ANO10: variants seen among roughly 807,000 people sequenced by gnomAD.
ANO10 encodes anoctamin-10.
A neutral mutation model predicts 74.7 loss-of-function variants in ANO10; 77 were observed. That is an observed-to-expected ratio of 1.03 (90% confidence interval 0.86 to 1.25). The LOEUF is 1.25. ANO10 is among the 50% of genes most tolerant of loss of function. The pLI is 0.00. For synonymous variants in ANO10, 279 were observed against 284.9 expected (o/e 0.98, Z 0.21); for missense variants, 721 against 778.1 (o/e 0.93, Z 0.87).
intron 1 of ANO10, among the ~76,000 whole-genome samples, chr3:43,610,494 C>T (rs1056836866): frequency 6.6e-6 from 1 of 152,136 alleles, no homozygotes; most frequent in African/African-American, 2.4e-5. Flanking sequence ...TACTTTTATG[C>T]AACTGGCAGC....
At chr3:43,515,652 CAAG>C (rs1483204434) in intron 11 of ANO10, among the ~76,000 whole-genome samples, 3 of 152,128 alleles carry the variant, frequency 2.0e-5, no homozygotes, top group African/African-American at 7.2e-5. Flanking sequence ...TTACCAATAT[CAAG>C]AATAGGAAAG....
chr3:43,671,998 CAG>C (rs935370614), intron 1 of ANO10, among the ~76,000 whole-genome samples: 56 of 152,248 alleles, frequency 3.7e-4, no homozygotes, highest in African/African-American at 1.3e-3. Context: ...AATAAAAATT[CAG>C]AGGAGGGTTT....
intron 1 of ANO10, among the ~76,000 whole-genome samples, chr3:43,628,492 C>A (rs2083513756): frequency 6.6e-6 from 1 of 152,044 alleles, no homozygotes; most frequent in Non-Finnish European, 1.5e-5. Flanking sequence ...TGTGTTTAAA[C>A]AATATGAAAT....
chr3:43,530,197 T>G (rs1336637989), intron 11 of ANO10, among the ~76,000 whole-genome samples: 1 of 151,972 alleles, frequency 6.6e-6, no homozygotes, highest in Non-Finnish European at 1.5e-5. Context: ...AAAATGAAAA[T>G]GTAGCAGTTA....
chr3:43,527,757 C>T (rs1373066422), intron 11 of ANO10, among the ~76,000 whole-genome samples: 2 of 151,998 alleles, frequency 1.3e-5, no homozygotes, highest in African/African-American at 4.8e-5. Context: ...AGAGATCTAG[C>T]GATATTGGAA....
chr3:43,610,250 G>C (rs1020105060), intron 1 of ANO10, among the ~76,000 whole-genome samples: 9 of 152,118 alleles, frequency 5.9e-5, no homozygotes, highest in African/African-American at 2.2e-4. Flanking sequence ...TCACAGAAAG[G>C]TCTTCAGAGG....
intron 11 of ANO10, among the ~76,000 whole-genome samples, chr3:43,458,838 G>A (rs1049219231): frequency 6.6e-6 from 1 of 152,146 alleles, no homozygotes; most frequent in Non-Finnish European, 1.5e-5. Context: ...GCCCGGGTGT[G>A]TGATATTCCC....
At chr3:43,391,475 C>G (rs2092273577) in intron 12 of ANO10, among the ~76,000 whole-genome samples, 1 of 152,150 alleles carries the variant, frequency 6.6e-6, no homozygotes, top group Admixed American at 6.6e-5. Flanking sequence ...TAGTAGGCAG[C>G]CTCTAAATGG....
chr3:43,630,205 G>T (rs2083532139), intron 1 of ANO10, among the ~76,000 whole-genome samples: 2 of 152,112 alleles, frequency 1.3e-5, no homozygotes, highest in African/African-American at 2.4e-5. Flanking sequence ...GCACTAGGAT[G>T]AACATATTTG....
rs753848338 is a variant in ANO10, at chr3:43,432,636, T to A, written c.1889A>T (p.Glu630Val). The change falls in exon 12 of 13, where the codon GAG becomes GTG. Residue 630 changes from glutamate (E) to valine (V), a missense_variant. Glu to Val is a moderately radical substitution (Grantham distance 121). Transcript: ENST00000292246. ...CTGCTGCTTGAGTGCCTCCAAAGAC[T>A]CAAATTCCAGTCTGGCTAGTTTCAT... ...IQMKLARLEFESLEALKQQQM... is the reference protein window; with the variant it reads ...IQMKLARLEFVSLEALKQQQM... The A allele has an allele frequency of 1.2e-6, 2 of 1,613,692 alleles. No individual in the cohort carries two copies. Among genetic ancestry groups the A allele is most frequent in the South Asian group, 2.2e-5 (2 of 91,072 alleles).
rs1259323409 is a variant in ANO10 at position 43,549,787 on chromosome 3, G to A, written c.1730C>T (p.Ser577Leu). 6.2e-7 allele frequency: 1 copy of A among 1,613,998 alleles called. No homozygotes were observed. The highest frequency in any genetic ancestry group is 1.1e-5 in the South Asian group (1 of 91,068). ...TGGAAAGACTGCATTCACTTGTGGT[G>A]ACATTCCAATCAGCGCACAGTTAGT... is the stretch of plus-strand genomic sequence containing the variant. ...VVTNCALIGM[S>L]PQVNAVFPES... Residue 577 changes from serine to leucine, a missense_variant, in exon 11 of 13, where the codon TCA becomes TTA. Physicochemically the swap from Ser to Leu is moderately radical, Grantham distance 145. Coordinates refer to ENST00000292246, the MANE Select transcript of ANO10 (RefSeq NM_018075.5).
At chr3:43,547,114 A>G (rs1206929591) in intron 11 of ANO10, among the ~76,000 whole-genome samples, 1 of 152,206 alleles carries the variant, frequency 6.6e-6, no homozygotes, top group Non-Finnish European at 1.5e-5. Flanking sequence ...TTCTGAGACC[A>G]TTGAGACTAG....
At chr3:43,667,952 C>A (rs900851612) in intron 1 of ANO10, among the ~76,000 whole-genome samples, 25 of 152,074 alleles carry the variant, frequency 1.6e-4, no homozygotes, top group Non-Finnish European at 2.4e-4. Flanking sequence ...TGGGTAGATA[C>A]CCAGTAGTGG....
At chr3:43,509,639 A>C (rs2077437062) in intron 11 of ANO10, among the ~76,000 whole-genome samples, 1 of 152,226 alleles carries the variant, frequency 6.6e-6, no homozygotes, top group African/African-American at 2.4e-5. Context: ...ACAGTTTGGC[A>C]GTTTCTTATA....
chr3:43,507,612 T>C (rs1241661867), intron 11 of ANO10, among the ~76,000 whole-genome samples: 20 of 152,018 alleles, frequency 1.3e-4, no homozygotes, highest in Non-Finnish European at 7.4e-5. Context: ...TGATGGTGGC[T>C]GGACTGCAGG....
intron 1 of ANO10, among the ~76,000 whole-genome samples, chr3:43,663,219 G>C (rs2083947231): frequency 6.6e-6 from 1 of 152,156 alleles, no homozygotes; most frequent in Non-Finnish European, 1.5e-5. Context: ...TCATCCCTGG[G>C]ATGCAAGACT....
intron 11 of ANO10, among the ~76,000 whole-genome samples, chr3:43,515,629 G>A (rs922565734): frequency 2.6e-5 from 4 of 152,156 alleles, no homozygotes; most frequent in Non-Finnish European, 5.9e-5. Flanking sequence ...TGAGTAAGAA[G>A]AAAAGATACA....
upstream of ANO10, among the ~76,000 whole-genome samples, chr3:43,624,263 C>T (rs1227072295): frequency 6.6e-6 from 1 of 152,092 alleles, no homozygotes; most frequent in Non-Finnish European, 1.5e-5. Context: ...GTTTTTTCGA[C>T]CTGATAGCCT....
chr3:43,509,070 G>C (rs912617434), intron 11 of ANO10, among the ~76,000 whole-genome samples: 5 of 151,714 alleles, frequency 3.3e-5, no homozygotes, highest in African/African-American at 4.8e-5. Flanking sequence ...CCTTTGTAGG[G>C]ACACGGATGA....
Sources: gnomAD v4.1 joint callset for allele counts (sites outside exome capture counted in the v4.1 genomes callset) on GRCh38, gnomAD v4.1.1 for gene constraint, MANE v1.5 for transcripts, NCBI Gene and HGNC (gene_info 2026-07-23, HGNC 2026-07-21) for gene names.